The following ABCC1 variants were observed in gnomAD, a reference collection of about 807,000 sequenced individuals.
ABCC1 encodes the protein ATP binding cassette subfamily C member 1 (ABCC1 blood group), also known as multidrug resistance-associated protein 1.
A neutral mutation model predicts 172.9 loss-of-function variants in ABCC1; 83 were observed. That is an observed-to-expected ratio of 0.48 (90% CI 0.40 to 0.58). ABCC1 has a LOEUF of 0.58. ABCC1 is among the 20% of genes least tolerant of loss of function. ABCC1 has a pLI of 0.00. For synonymous variants in ABCC1, 937 were observed against 825.2 expected, an observed-to-expected ratio of 1.14 and a Z score of -2.32; for missense variants, 1,817 against 2,002.7, an observed-to-expected ratio of 0.91 and a Z score of 1.77.
At chr16:16,138,257 C>A in intron 29 of ABCC1, 107 bp from the exon 30 acceptor site, 1 of 1,050,924 alleles carries the variant, frequency 9.5e-7, no homozygotes, top group Non-Finnish European at 1.4e-6. Context: ...CTTTCCTGGT[C>A]AAGCAACATA....
intron 25 of ABCC1, among the ~76,000 whole-genome samples, chr16:16,125,380 C>T (rs957750725): frequency 3.3e-5 from 5 of 152,054 alleles, no homozygotes; most frequent in East Asian, 1.9e-4. Flanking sequence ...TTGCTAATTT[C>T]GGTACCTTTC....
At chr16:15,978,675 G>A (rs1189834858) in intron 1 of ABCC1, among the ~76,000 whole-genome samples, 2 of 152,242 alleles carry the variant, frequency 1.3e-5, no homozygotes, top group East Asian at 1.9e-4. Flanking sequence ...TGGGTGGGCC[G>A]GTGGTTGGGT....
intron 6 of ABCC1, among the ~76,000 whole-genome samples, chr16:16,035,734 A>G (rs2048728900): frequency 1.3e-5 from 2 of 151,414 alleles, no homozygotes; most frequent in African/African-American, 2.4e-5. Context: ...GGCTCACAAA[A>G]TCCTCCCACC....
At chr16:16,091,472 A>G (rs1291570385) in intron 19 of ABCC1, among the ~76,000 whole-genome samples, 1 of 151,540 alleles carries the variant, frequency 6.6e-6, no homozygotes, top group Non-Finnish European at 1.5e-5. Context: ...AGACAATGCC[A>G]TGGGCTGAGG....
At chr16:15,978,379 C>G (rs2046540591) in intron 1 of ABCC1, among the ~76,000 whole-genome samples, 1 of 152,048 alleles carries the variant, frequency 6.6e-6, no homozygotes, top group African/African-American at 2.4e-5. Context: ...AACAAACAAA[C>G]AAACAAACAA....
chr16:16,044,666 G>C lies in ABCC1; in HGVS notation c.1026G>C (p.Gly342=). 6.2e-7 allele frequency: 1 copy of C among 1,614,048 alleles called. No individual in the cohort carries two copies. The highest frequency in any genetic ancestry group is 8.5e-7 in the Non-Finnish European group (1 of 1,179,986). The part of the protein sequence containing the change: ...KAIHDLMMFS[G]PQILKLLIKF... ...TCCACGACCTGATGATGTTTTCCGG[G>C]CCGCAGATCTTAAAGTAAGACCCCT... Residue 342 remains glycine, a synonymous_variant, in exon 8 of 31, where the codon GGG becomes GGC. Transcript: ENST00000399410.
intron 30 of ABCC1, among the ~76,000 whole-genome samples, chr16:16,139,962 C>T (rs914444341): frequency 6.6e-6 from 1 of 152,170 alleles, no homozygotes. Context: ...TCCAGTGTTG[C>T]CGTGTGAAAG....
At chr16:16,063,631 A>G (rs1224038409) in intron 12 of ABCC1, among the ~76,000 whole-genome samples, 2 of 152,180 alleles carry the variant, frequency 1.3e-5, no homozygotes, top group African/African-American at 2.4e-5. Context: ...AAAAGTCTAG[A>G]AAAAGACTTT....
intron 1 of ABCC1, among the ~76,000 whole-genome samples, chr16:15,992,039 G>T (rs1305625026): frequency 6.6e-6 from 1 of 151,982 alleles, no homozygotes; most frequent in East Asian, 1.9e-4. Flanking sequence ...TTGCATCACC[G>T]CCTGAGCTCT....
intron 6 of ABCC1, 115 bp downstream of exon 6, chr16:16,033,285 G>A: frequency 9.5e-7 from 1 of 1,058,154 alleles, no homozygotes; most frequent in South Asian, 1.4e-5. Context: ...TTGCTCTTCT[G>A]CAGAGTTGTC....
At chr16:16,055,550 A>AC (rs954346480) in intron 11 of ABCC1, among the ~76,000 whole-genome samples, 11 of 59,094 alleles carry the variant, frequency 1.9e-4, no homozygotes, top group African/African-American at 1.5e-3. Context: ...ACTCCGTCAC[A>AC]AAAAAAAAAA....
chr16:16,021,107 T>C (rs1218776764), intron 5 of ABCC1, among the ~76,000 whole-genome samples: 6 of 151,934 alleles, frequency 3.9e-5, no homozygotes, highest in Non-Finnish European at 5.9e-5. Flanking sequence ...TAGTGGTAAT[T>C]TATTGTTGTG....
At chr16:16,125,746 A>AAAAAAAT in intron 25 of ABCC1, 64 bp from the exon 26 acceptor site, 1 of 1,213,516 alleles carries the variant, frequency 8.2e-7, no homozygotes, top group Non-Finnish European at 1.2e-6. Context: ...GTGGAAAAAA[A>AAAAAAAT]GAAAAAGGAA....
rs2046112923 is a variant in ABCC1, at chr16:16,141,174, G to A, written c.4489G>A (p.Val1497Met). 6.2e-7 allele frequency: 1 copy of A among 1,613,656 alleles called. No homozygotes were observed. The highest frequency in any genetic ancestry group is 1.3e-5 in the African/African-American group (1 of 74,902). ...RLNTIMDYTR[V>M]IVLDKGEIQE... ...ATGTCTGTATCCCCTCTCCCTCAGG[G>A]TGATCGTCTTGGACAAAGGAGAAAT... Residue 1497 changes from valine to methionine, a missense_variant and splice_region_variant, in exon 31 of 31, where the codon GTG becomes ATG. Physicochemically the swap from Val to Met is conservative, Grantham distance 21. Transcript: ENST00000399410.
At chr16:16,052,951 C>T (rs1168217745) in intron 11 of ABCC1, 135 bp downstream of exon 11, 2 of 748,734 alleles carry the variant, frequency 2.7e-6, no homozygotes, top group East Asian at 2.6e-5. Context: ...ACTTGGGGAG[C>T]CTTAACAAAT....
intron 27 of ABCC1, among the ~76,000 whole-genome samples, chr16:16,132,510 G>GGTTTTTTT (rs1277380301): frequency 1.1e-4 from 4 of 37,300 alleles, no homozygotes; most frequent in Admixed American, 3.9e-4. Context: ...TTGGTTGGTT[G>GGTTTTTTT]TTTTTTTTTT....
At chr16:15,978,526 A>G (rs2151572015) in intron 1 of ABCC1, among the ~76,000 whole-genome samples, 1 of 152,266 alleles carries the variant, frequency 6.6e-6, no homozygotes, top group South Asian at 2.1e-4. Flanking sequence ...TGTGCTTTTA[A>G]AATCTTTTGT....
chr16:16,110,548 C>A (rs1485678831), intron 21 of ABCC1, among the ~76,000 whole-genome samples: 2 of 152,092 alleles, frequency 1.3e-5, no homozygotes, highest in African/African-American at 4.8e-5. Flanking sequence ...TACCACCATG[C>A]CCAGCTAATT....
intron 27 of ABCC1, 145 bp downstream of exon 27, chr16:16,132,080 A>C (rs1191913233): frequency 9.6e-7 from 1 of 1,038,280 alleles, no homozygotes; most frequent in Admixed American, 2.7e-5. Context: ...CTGGGAGTGG[A>C]CTGTGGCAGT....
Sources: gnomAD v4.1 joint callset for allele counts (sites outside exome capture counted in the v4.1 genomes callset) on GRCh38, gnomAD v4.1.1 for gene constraint, MANE v1.5 for transcripts, NCBI Gene and HGNC (gene_info 2026-07-23, HGNC 2026-07-21) for gene names.